TLK1: variants seen among roughly 807,000 people sequenced by gnomAD.
TLK1 encodes serine/threonine-protein kinase tousled-like 1.
In TLK1, 24 loss-of-function variants were observed where a neutral mutation model predicts 105.3. The ratio of observed to expected loss-of-function variants is 0.23; its 90% CI spans 0.17 to 0.32. The LOEUF (loss-of-function observed/expected upper bound fraction) is 0.32, where lower values mean the gene tolerates loss of function less well. TLK1 is among the 10% of genes least tolerant of loss of function. TLK1 has a pLI of 1.00. For missense variants in TLK1, 558 were observed against 910.5 expected, an observed-to-expected ratio of 0.61 and a Z score of 4.98; for synonymous variants, 321 against 310.4, an observed-to-expected ratio of 1.03 and a Z score of -0.36.
intron 1 of TLK1, 79 bp from the exon 2 acceptor site, chr2:171,117,936 T>C: frequency 1.0e-6 from 1 of 976,612 alleles, no homozygotes; most frequent in East Asian, 3.0e-5. Flanking sequence ...TATATATATG[T>C]GATTAGTTAA....
intron 12 of TLK1, chr2:171,022,777 A>G (rs555617249): frequency 5.7e-5 from 11 of 192,796 alleles, no homozygotes; most frequent in Admixed American, 1.6e-4. Context: ...CTTTGTGGTC[A>G]TACTAAGGGT....
At chr2:171,152,567 AT>A (rs1209805745) in intron 1 of TLK1, among the ~76,000 whole-genome samples, 3 of 152,120 alleles carry the variant, frequency 2.0e-5, no homozygotes, top group Admixed American at 2.0e-4. Flanking sequence ...AAAACTAAGT[AT>A]TTTTTTAAAA....
At chr2:171,117,623 C>T in intron 2 of TLK1, 116 bp downstream of exon 2, 1 of 767,066 alleles carries the variant, frequency 1.3e-6, no homozygotes, top group Non-Finnish European at 2.2e-6. Context: ...TCTTATTCTA[C>T]ACATTATAAA....
intron 12 of TLK1, among the ~76,000 whole-genome samples, chr2:171,021,021 G>A (rs1685473820): frequency 6.6e-6 from 1 of 152,078 alleles, no homozygotes; most frequent in Admixed American, 6.5e-5. Flanking sequence ...TTTACTCAAT[G>A]TTTTGCTCTC....
intron 1 of TLK1, among the ~76,000 whole-genome samples, chr2:171,196,396 C>T (rs11895154): frequency 2.6e-5 from 4 of 152,106 alleles, no homozygotes; most frequent in Admixed American, 6.5e-5. Flanking sequence ...GGATTACAGG[C>T]GTGAGCCACC....
rs1262136863 is a variant in TLK1 at position 171,003,268 on chromosome 2, C to T, written c.1904+2879G>A. ...CAGCCTGGGCGACAGAGCAAGACTC[C>T]GTCTCAAAAAAAAAAAAAAAAAAAA... is the stretch of plus-strand genomic sequence containing the variant. On this transcript the variant is annotated intron_variant, in intron 18 of 20. Transcript: ENST00000431350. Among the ~76,000 whole-genome samples the T allele has an allele frequency of 1.4e-4, 11 of 76,960 alleles. No individual in the cohort carries two copies. In the East Asian group the frequency reaches 1.6e-3, roughly 11 times the overall value. The allele number at this position is 76,960 out of a possible 152,430, so 50.5% of individuals were successfully genotyped here. A position where few individuals can be genotyped will look rare whatever the true frequency, so the allele number is the denominator to read the frequency against.
At position 171,172,752 on chromosome 2, in the gene TLK1, GGCCTCCCCAGAAGCCAC is replaced by G. The variant is rs768781640; in HGVS notation, c.-5-54912_-5-54896del. On this transcript the variant is annotated intron_variant, in intron 1 of 20. Coordinates refer to the TLK1 transcript ENST00000521943. ...TCCACCATAACTAAAAGTTACCTGA[GGCCTCCCCAGAAGCCAC>G]GCAGATGTCAGCATCATGCTTCCTG... is the stretch of plus-strand genomic sequence containing the variant. Among the ~76,000 whole-genome samples, 6 of 152,120 alleles carry G rather than the reference GGCCTCCCCAGAAGCCAC, an allele frequency of 3.9e-5. No individual in the cohort carries two copies. In the South Asian group the frequency reaches 6.2e-4, roughly 16 times the overall value.
intron 2 of TLK1, among the ~76,000 whole-genome samples, chr2:171,086,630 A>C (rs11899208): frequency 0.086 from 11,415 of 133,114 alleles, 814 homozygotes; most frequent in East Asian, 0.3. Context: ...CGTCTCAAAA[A>C]AAACAAACAA....
chr2:171,144,729 A>AT (rs775477428), intron 1 of TLK1, among the ~76,000 whole-genome samples: 42 of 152,150 alleles, frequency 2.8e-4, no homozygotes, highest in Non-Finnish European at 5.6e-4. Flanking sequence ...ATGGGAAAAC[A>AT]TTTTTATGAA....
chr2:171,051,584 C>T (rs1687240710), intron 8 of TLK1, among the ~76,000 whole-genome samples: 1 of 152,140 alleles, frequency 6.6e-6, no homozygotes, highest in Admixed American at 6.5e-5. Context: ...GACAAGGTCC[C>T]TTATGATACT....
intron 1 of TLK1, chr2:171,153,807 A>G (rs1355576011): frequency 6.6e-6 from 1 of 152,236 alleles, no homozygotes; most frequent in Non-Finnish European, 1.5e-5. Flanking sequence ...TAATATATTA[A>G]TAAGTGTTTT....
At position 171,141,726 on chromosome 2, in the gene TLK1, C is replaced by A. The variant is rs888884677; in HGVS notation, c.139+18564G>T. Among the ~76,000 whole-genome samples, 3 of 151,706 alleles carry A rather than the reference C, an allele frequency of 2.0e-5. 1 individual carries two copies. Among genetic ancestry groups the A allele is most frequent in the African/African-American group, 7.3e-5 (3 of 41,284 alleles). On this transcript the variant is annotated intron_variant, in intron 1 of 20. Coordinates refer to ENST00000431350, the MANE Select transcript of TLK1 (RefSeq NM_012290.5). ...CAAGATTTCTGTATCCAGCTCCCTC[C>A]CCCCAAAAAAATCCCTTCAAGAATA...
chr2:171,010,341 T>C (rs1018488634), intron 14 of TLK1, among the ~76,000 whole-genome samples: 2 of 152,158 alleles, frequency 1.3e-5, no homozygotes, highest in African/African-American at 4.8e-5. Context: ...TCAGAAGCAG[T>C]GTTAAAAGAC....
At chr2:171,165,650 C>T (rs112118013), upstream of TLK1, among the ~76,000 whole-genome samples, 1,630 of 152,306 alleles carry the variant, frequency 0.011, 27 homozygotes, top group African/African-American at 0.037. Context: ...CTGTGGCTCA[C>T]GCCTGTAATC....
chr2:171,165,158 A>G (rs933272390), upstream of TLK1, among the ~76,000 whole-genome samples: 6 of 152,248 alleles, frequency 3.9e-5, no homozygotes, highest in African/African-American at 1.2e-4. Flanking sequence ...AGGGAAAGCC[A>G]GCTTGAGAAC....
intron 8 of TLK1, among the ~76,000 whole-genome samples, chr2:171,051,453 T>G (rs963202812): frequency 6.6e-6 from 1 of 152,062 alleles, no homozygotes; most frequent in Non-Finnish European, 1.5e-5. Context: ...GAATTGTGCT[T>G]TGTGTTCTCT....
chr2:171,216,473 C>G (rs1305663179), intron 1 of TLK1, among the ~76,000 whole-genome samples: 1 of 152,078 alleles, frequency 6.6e-6, no homozygotes, highest in African/African-American at 2.4e-5. Context: ...AAGACTCCGT[C>G]TCAAAAACAA....
intron 1 of TLK1, among the ~76,000 whole-genome samples, chr2:171,159,417 C>T (rs1267666632): frequency 6.6e-6 from 1 of 152,168 alleles, no homozygotes; most frequent in African/African-American, 2.4e-5. Flanking sequence ...AAAAGCACGC[C>T]GGTGCCTTAC....
At chr2:171,019,630 G>A (rs1685385099) in intron 12 of TLK1, among the ~76,000 whole-genome samples, 1 of 152,102 alleles carries the variant, frequency 6.6e-6, no homozygotes, top group African/African-American at 2.4e-5. Context: ...ATAAAGCCAA[G>A]ATAAAACAGG....
Sources: allele counts gnomAD v4.1 joint callset (sites outside exome capture counted in the v4.1 genomes callset), GRCh38; gene constraint gnomAD v4.1.1; transcripts MANE v1.5; gene names NCBI Gene and HGNC (gene_info 2026-07-23, HGNC 2026-07-21).